The following LRP1B variants were observed in gnomAD, a reference collection of about 807,000 sequenced individuals.
LRP1B encodes the protein low-density lipoprotein receptor-related protein 1B.
LRP1B carries 217 observed loss-of-function variants against 556.6 expected under a neutral mutation model. That is an observed-to-expected ratio of 0.39 (90% confidence interval 0.35 to 0.44). The LOEUF is 0.44. Among genes scored for constraint, LRP1B ranks in the 20% least tolerant of loss-of-function variants. LRP1B has a pLI of 1.00. For missense variants in LRP1B, 5,053 were observed against 5,620.8 expected (o/e 0.90, Z 3.23); for synonymous variants, 2,047 against 1,865.8 (o/e 1.10, Z -2.50).
chr2:140,274,674 C>T (rs1558763715), intron 84 of LRP1B, 76 bp from the exon 85 acceptor site: 1 of 1,202,864 alleles, frequency 8.3e-7, no homozygotes, highest in Non-Finnish European at 1.2e-6. Context: ...TAAGGTGACC[C>T]TTTCATTTAT....
In LRP1B at chr2:141,285,454, TC is replaced by T. The variant is rs375925146; in HGVS notation, c.344-30814del. Among the ~76,000 whole-genome samples the T allele has an allele frequency of 8.5e-4, 118 of 138,158 alleles. 1 individual carries two copies. Among genetic ancestry groups the T allele is most frequent in the African/African-American group, 3.0e-3 (100 of 32,910 alleles). The allele number at this position is 138,158 out of a possible 152,430, so 90.6% of individuals were successfully genotyped here. Reference sequence around the variant, plus strand: ...AGAAAAGGTGAGAATAATTTTTTTTTCTTTTTTTTTTTTTTTTTTGAGATGG... The same window carrying T: ...AGAAAAGGTGAGAATAATTTTTTTTTTTTTTTTTTTTTTTTTTTGAGATGG... On this transcript the variant is annotated intron_variant, in intron 3 of 90. Coordinates refer to ENST00000389484, the MANE Select transcript of LRP1B (RefSeq NM_018557.3).
chr2:140,784,376 C>CCACACACACACACACACACACACACACA (rs143661527), intron 32 of LRP1B, among the ~76,000 whole-genome samples: 1 of 126,574 alleles, frequency 7.9e-6, no homozygotes, highest in South Asian at 3.0e-4. Flanking sequence ...GATTCTGCCT[C>CCACACACACACACACACACACACACACA]CACACACACA....
chr2:140,528,384 C>T (rs776077678), intron 47 of LRP1B, among the ~76,000 whole-genome samples: 17 of 151,482 alleles, frequency 1.1e-4, no homozygotes, highest in African/African-American at 1.9e-4. Flanking sequence ...TTCAGAAGAG[C>T]GGTTAGAAAG....
rs1688528390 is a variant in LRP1B at position 140,487,751 on chromosome 2, A to T, written c.9121-12T>A. The stretch of plus-strand genomic sequence containing the variant: ...ACATTGTTTAATCCCTGAAAATAAA[A>T]AAGACTATGTTGTCAATGATAGTTC... On this transcript the variant is annotated splice_polypyrimidine_tract_variant and intron_variant, in intron 57 of 90. Coordinates refer to ENST00000389484, the MANE Select transcript of LRP1B (RefSeq NM_018557.3). The T allele has an allele frequency of 6.7e-7, 1 of 1,491,096 alleles. No homozygotes were observed. The highest frequency in any genetic ancestry group is 1.4e-5 in the African/African-American group (1 of 70,408). The allele number at this position is 1,491,096 out of a possible 1,614,324, so 92.4% of individuals were successfully genotyped here.
chr2:141,541,991 C>T (rs1559129655), intron 2 of LRP1B, among the ~76,000 whole-genome samples: 1 of 151,868 alleles, frequency 6.6e-6, no homozygotes, highest in Non-Finnish European at 1.5e-5. Flanking sequence ...AATAGCTTTG[C>T]TTTTTTGGCA....
chr2:141,953,630 T>G (rs1038151271), intron 1 of LRP1B, among the ~76,000 whole-genome samples: 1 of 151,992 alleles, frequency 6.6e-6, no homozygotes, highest in Non-Finnish European at 1.5e-5. Context: ...ACTCCAAGAG[T>G]CGCCTAGTTT....
At chr2:140,271,325 C>T (rs1350528468) in intron 85 of LRP1B, among the ~76,000 whole-genome samples, 2 of 151,922 alleles carry the variant, frequency 1.3e-5, no homozygotes, top group Non-Finnish European at 2.9e-5. Flanking sequence ...ATGAAACAAT[C>T]AATGGTATCA....
chr2:141,478,823 G>A lies in LRP1B; in HGVS notation c.343+1573C>T, dbSNP rs530234389. The stretch of plus-strand genomic sequence containing the variant: ...GCCTCCCAAAGTGCTGGGATTACAG[G>A]AGTGAGCCACTGCACCCGGCCTACT... On this transcript the variant is annotated intron_variant, in intron 3 of 90. Coordinates refer to ENST00000389484, the MANE Select transcript of LRP1B (RefSeq NM_018557.3). Among the ~76,000 whole-genome samples the A allele has an allele frequency of 3.9e-5, 6 of 152,192 alleles. No homozygotes were observed. The East Asian group carries it at 1.2e-3, about 29-fold the overall frequency.
chr2:141,737,565 T>C lies in LRP1B; in HGVS notation c.205+72714A>G, dbSNP rs79158195. On this transcript the variant is annotated intron_variant, in intron 2 of 90. Transcript: ENST00000389484. The stretch of plus-strand genomic sequence containing the variant: ...ATTGCCTTCAGGGAAAAAAACTGCA[T>C]TGTAATTGCATATAATTATGTCAGC... Among the ~76,000 whole-genome samples, 177 of 152,286 alleles carry C rather than the reference T, an allele frequency of 1.2e-3. 1 individual carries two copies. The South Asian group carries it at 0.02, about 17-fold the overall frequency.
intron 7 of LRP1B, among the ~76,000 whole-genome samples, chr2:141,108,521 T>C (rs1700669433): frequency 6.6e-6 from 1 of 151,888 alleles, no homozygotes; most frequent in African/African-American, 2.4e-5. Flanking sequence ...GCTAATTTTT[T>C]GTATTTTTAG....
At chr2:142,040,002 G>T (rs190307053) in intron 1 of LRP1B, among the ~76,000 whole-genome samples, 146 of 151,446 alleles carry the variant, frequency 9.6e-4, no homozygotes, top group African/African-American at 3.1e-3. Flanking sequence ...CTCCTTTCAG[G>T]CTATTATAAT....
At chr2:140,457,716 C>G (rs1687160542) in intron 60 of LRP1B, 65 bp from the exon 61 acceptor site, 3 of 1,273,754 alleles carry the variant, frequency 2.4e-6, no homozygotes, top group Non-Finnish European at 2.3e-6. Context: ...ATATTCAATA[C>G]TACATGGGCT....
At chr2:140,775,083 A>G (rs12691564) in intron 33 of LRP1B, among the ~76,000 whole-genome samples, 51,309 of 151,864 alleles carry the variant, frequency 0.34, 8,704 homozygotes, top group East Asian at 0.4. Flanking sequence ...ATTTTTTATG[A>G]ATACGTAATA....
chr2:140,738,833 G>A (rs113626026), intron 35 of LRP1B, among the ~76,000 whole-genome samples: 7 of 152,158 alleles, frequency 4.6e-5, no homozygotes, highest in African/African-American at 9.7e-5. Flanking sequence ...ATAGAAGCTC[G>A]TGACTAATTG....
chr2:142,030,294 ACTT>A (rs1450222573), intron 1 of LRP1B, among the ~76,000 whole-genome samples: 4 of 152,034 alleles, frequency 2.6e-5, no homozygotes, highest in African/African-American at 9.6e-5. Flanking sequence ...GTCAATATTT[ACTT>A]CTTATGTTCA....
rs1693553291 is a variant in LRP1B at position 140,883,889 on chromosome 2, C to T, written c.4097G>A (p.Gly1366Asp). The T allele has an allele frequency of 6.2e-7, 1 of 1,613,914 alleles. No homozygotes were observed. The highest frequency in any genetic ancestry group is 8.5e-7 in the Non-Finnish European group (1 of 1,179,948). Residue 1366 changes from glycine (G) to aspartate (D), a missense_variant, in exon 25 of 91, where the codon GGC (glycine) becomes GAC (aspartate). Physicochemically the swap from Gly to Asp is moderately conservative, Grantham distance 94. Transcript: ENST00000389484. ...TGCTATTAGTGTAGTTCTTAGGGAGCCATCTAGTTTGGCCACTTCGATTTG... is the reference window on the plus strand; with the variant it reads ...TGCTATTAGTGTAGTTCTTAGGGAGTCATCTAGTTTGGCCACTTCGATTTG... ...LDQIEVAKLD[G>D]SLRTTLIAGA...
At chr2:141,790,992 T>C (rs570383027) in intron 2 of LRP1B, among the ~76,000 whole-genome samples, 89 of 151,984 alleles carry the variant, frequency 5.9e-4, no homozygotes, top group Non-Finnish European at 1.0e-3. Flanking sequence ...CATCAGTAAA[T>C]TTTCTGAACC....
At chr2:142,122,766 A>T (rs1211392842) in intron 1 of LRP1B, among the ~76,000 whole-genome samples, 1 of 152,058 alleles carries the variant, frequency 6.6e-6, no homozygotes, top group Non-Finnish European at 1.5e-5. Context: ...TCCAGATCTT[A>T]GTCATGAAAA....
intron 2 of LRP1B, among the ~76,000 whole-genome samples, chr2:141,605,947 AAAAGAAAAAAAAAAAC>A (rs1687904577): frequency 7.5e-6 from 1 of 134,076 alleles, no homozygotes; most frequent in African/African-American, 2.5e-5. Flanking sequence ...GATAAAATGC[AAAAGAAAAAAAAAAAC>A]ATTGAGCCTA....
Sources: allele counts gnomAD v4.1 joint callset (sites outside exome capture counted in the v4.1 genomes callset), GRCh38; gene constraint gnomAD v4.1.1; transcripts MANE v1.5; gene names NCBI Gene and HGNC (gene_info 2026-07-23, HGNC 2026-07-21).